The following TRMT2A variants were observed in gnomAD, a reference collection of about 807,000 sequenced individuals.
The protein encoded by TRMT2A is tRNA methyltransferase 2A.
In TRMT2A, 60 loss-of-function variants were observed where a neutral mutation model predicts 59.3. That is an observed-to-expected ratio of 1.01 (90% CI 0.82 to 1.26). The LOEUF is 1.26. Among genes scored for constraint, TRMT2A ranks in the 50% most tolerant of loss-of-function variants. TRMT2A has a pLI of 0.00. For synonymous variants in TRMT2A, 403 were observed against 353.7 expected (o/e 1.14, Z -1.56); for missense variants, 863 against 845.2 (o/e 1.02, Z -0.26).
Position 20,112,528 on chromosome 22 carries a change from C to T in TRMT2A, c.*35G>A. On this transcript the variant is annotated 3_prime_UTR_variant, in exon 12 of 12. Coordinates refer to ENST00000252136, the MANE Select transcript of TRMT2A (RefSeq NM_022727.6). ...TTCCCCGCCCCTGGGGCCCTGGGAG[C>T]CCTTCAGCTCCTGTCCCCATAATGG... is the stretch of plus-strand genomic sequence containing the variant. 1.3e-6 allele frequency: 2 copies of T among 1,593,356 alleles called. No homozygotes were observed. Among genetic ancestry groups the T allele is most frequent in the South Asian group, 1.1e-5 (1 of 89,708 alleles).
In TRMT2A at chr22:20,116,921, T is replaced by C; in HGVS notation, c.-15A>G. ...TTCTCACTCATCGCCCAGGCGGTTC[T>C]CCGCCTAGACCAGGGACGCCATGGG... On this transcript the variant is annotated 5_prime_UTR_variant, in exon 1 of 12. Coordinates refer to ENST00000252136, the MANE Select transcript of TRMT2A (RefSeq NM_022727.6). 6.3e-7 allele frequency: 1 copy of C among 1,592,028 alleles called. No homozygotes were observed.
Position 20,116,995 on chromosome 22 carries a change from T to C in TRMT2A, c.-89A>G. ...GGCCTGTCACAAGGGAAGTGGCCTG[T>C]CACAAGGGAAGTGCTCAGAGGGGAG... On this transcript the variant is annotated 5_prime_UTR_variant, in exon 1 of 12. Transcript: ENST00000252136. 1.3e-6 allele frequency: 2 copies of C among 1,487,428 alleles called. No individual in the cohort carries two copies. The highest frequency in any genetic ancestry group is 1.8e-6 in the Non-Finnish European group (2 of 1,093,346). The allele number at this position is 1,487,428 out of a possible 1,614,324, so 92.1% of individuals were successfully genotyped here. A position where few individuals can be genotyped will look rare whatever the true frequency, so the allele number is the denominator to read the frequency against.
chr22:20,116,538 A>C lies in TRMT2A; in HGVS notation c.99T>G (p.Pro33=), dbSNP rs1568975699. The change falls in exon 2 of 12, where the codon CCT becomes CCG. Residue 33 remains proline, a synonymous_variant. Transcript: ENST00000252136. ...ALSCPTVSVP[P]AAPAALEEVE... The stretch of plus-strand genomic sequence containing the variant: ...CCTCCTCCAGGGCTGCCGGGGCTGC[A>C]GGGGGCACCGAGACGGTAGGGCAGC... The C allele has an allele frequency of 6.2e-7, 1 of 1,601,720 alleles. No individual in the cohort carries two copies.
rs547249953 is a variant in TRMT2A at position 20,115,434 on chromosome 22, T to C, written c.722A>G (p.Asn241Ser). 13 of 1,609,588 alleles carry C rather than the reference T, an allele frequency of 8.1e-6. No individual in the cohort carries two copies. Among genetic ancestry groups the C allele is most frequent in the East Asian group, 2.2e-5 (1 of 44,808 alleles). ...RPSPQQTEYR[N>S]KCEFLVGVGV... The stretch of plus-strand genomic sequence containing the variant: ...GACGCCAACCAGAAACTCACACTTA[T>C]TACGATACTCAGTCTGCAGGGAGAG... Residue 241 changes from asparagine to serine, a missense_variant, in exon 4 of 12, where the codon AAT becomes AGT. Physicochemically the swap from Asn to Ser is conservative, Grantham distance 46. Transcript: ENST00000252136.
rs772356913 is a variant in TRMT2A at position 20,112,546 on chromosome 22, C to T, written c.*17G>A. 7 of 1,611,682 alleles carry T rather than the reference C, an allele frequency of 4.3e-6. No homozygotes were observed. The South Asian group carries it at 7.7e-5, about 18-fold the overall frequency. Reference sequence around the variant, plus strand: ...CTGGGAGCCCTTCAGCTCCTGTCCCCATAATGGGTCCTGGGCCTAGGATGA... The same window carrying T: ...CTGGGAGCCCTTCAGCTCCTGTCCCTATAATGGGTCCTGGGCCTAGGATGA... On this transcript the variant is annotated 3_prime_UTR_variant, in exon 12 of 12. Transcript: ENST00000252136.
intron 3 of TRMT2A, 79 bp from the exon 4 acceptor site, chr22:20,115,526 G>A: frequency 1.3e-6 from 2 of 1,569,468 alleles, no homozygotes; most frequent in Non-Finnish European, 1.7e-6. Context: ...CACAGGGGCT[G>A]GCAGTCAAAC....
chr22:20,113,485 A>T lies in TRMT2A; in HGVS notation c.1379T>A (p.Val460Asp). Residue 460 changes from valine to aspartate, a missense_variant, in exon 9 of 12, where the codon GTC (valine) becomes GAC (aspartate). Val to Asp is a radical substitution (Grantham distance 152). Transcript: ENST00000252136. The stretch of plus-strand genomic sequence containing the variant: ...CTCCACAGCCTCTGGGCATAGCTCG[A>T]CCCCAATGACCCTCTTTACCTTCTG... The part of the protein sequence containing the change: ...LARKVKRVIG[V>D]ELCPEAVEDA... The T allele has an allele frequency of 6.2e-7, 1 of 1,612,348 alleles. No individual in the cohort carries two copies. Among genetic ancestry groups the T allele is most frequent in the Non-Finnish European group, 8.5e-7 (1 of 1,179,688 alleles).
At chr22:20,115,865 A>G in intron 2 of TRMT2A, 85 bp from the exon 3 acceptor site, 3 of 1,439,604 alleles carry the variant, frequency 2.1e-6, no homozygotes, top group Non-Finnish European at 2.8e-6. Flanking sequence ...CAGGCTCCTG[A>G]CCCCTCCTTT....
Position 20,116,469 on chromosome 22 carries a change from C to T in TRMT2A, c.168G>A (p.Gln56=), listed in dbSNP as rs781458195. 5.6e-6 allele frequency: 9 copies of T among 1,612,774 alleles called. No individual in the cohort carries two copies. Among genetic ancestry groups the T allele is most frequent in the African/African-American group, 1.3e-5 (1 of 74,952 alleles). ...CCCTGATGTAGCTGTAGAGCCCGGG[C>T]TGAGGCCCCGGCCCTGTAGCCGCCC... ...GAGAATGPGP[Q]PGLYSYIRDD... is the part of the protein sequence containing the mutation. Residue 56 remains glutamine, a synonymous_variant, in exon 2 of 12, where the codon CAG becomes CAA. Coordinates refer to ENST00000252136, the MANE Select transcript of TRMT2A (RefSeq NM_022727.6).
chr22:20,115,040 T>C lies in TRMT2A; in HGVS notation c.930A>G (p.Thr310=). Residue 310 remains threonine (T), a synonymous_variant, in exon 5 of 12, where the codon ACA becomes ACG. Transcript: ENST00000252136. ...GCACAGTCAGCTGCTTCCAGTGGCC[T>C]GTGTACGTCTCTGGGTCGTATGCCG... The part of the protein sequence containing the change: ...PYSAYDPETY[T]GHWKQLTVRT... 1 of 1,597,482 alleles carries C rather than the reference T, an allele frequency of 6.3e-7. No homozygotes were observed. The highest frequency in any genetic ancestry group is 8.5e-7 in the Non-Finnish European group (1 of 1,175,298).
Position 20,116,374 on chromosome 22 carries a change from T to A in TRMT2A, c.263A>T (p.Asp88Val), listed in dbSNP as rs1194862967. Residue 88 changes from aspartate to valine, a missense_variant, in exon 2 of 12, where the codon GAC becomes GTC. By Grantham distance (152) the Asp-to-Val change is radical. Transcript: ENST00000252136. ...AAAGCGGCCCAGGAAGCGCCGGACGTCGCTGAAGCTGGCGTGGCGAGGCAC... is the reference window on the plus strand; with the variant it reads ...AAAGCGGCCCAGGAAGCGCCGGACGACGCTGAAGCTGGCGTGGCGAGGCAC... ...QNVPRHASFS[D>V]VRRFLGRFGL... 1 of 1,612,096 alleles carries A rather than the reference T, an allele frequency of 6.2e-7. No homozygotes were observed. The highest frequency in any genetic ancestry group is 1.3e-5 in the African/African-American group (1 of 74,932).
intron 1 of TRMT2A, 53 bp from the exon 2 acceptor site, chr22:20,116,665 G>A: frequency 1.3e-6 from 2 of 1,504,958 alleles, no homozygotes; most frequent in South Asian, 1.3e-5. Context: ...TGGGGGCCTG[G>A]CCCCCCAAGC....
intron 2 of TRMT2A, 48 bp downstream of exon 2, chr22:20,115,990 G>A (rs758586839): frequency 1.3e-6 from 2 of 1,518,408 alleles, no homozygotes; most frequent in East Asian, 2.3e-5. Context: ...AGGAAGCACA[G>A]GCCGGGCAGA....
Position 20,116,868 on chromosome 22 carries a change from C to T in TRMT2A, c.24+15G>A. ...CCCCATCCCCGTCTCTACCCAGCGT[C>T]TCCCCGCACTCTACCTCGTTGTCGA... On this transcript the variant is annotated intron_variant, in intron 1 of 11. Coordinates refer to ENST00000252136, the MANE Select transcript of TRMT2A (RefSeq NM_022727.6). 6.3e-7 allele frequency: 1 copy of T among 1,599,584 alleles called. No individual in the cohort carries two copies. Among genetic ancestry groups the T allele is most frequent in the Non-Finnish European group, 8.5e-7 (1 of 1,173,016 alleles).
intron 1 of TRMT2A, 130 bp downstream of exon 1, chr22:20,116,753 C>A: frequency 7.1e-7 from 1 of 1,413,664 alleles, no homozygotes; most frequent in East Asian, 2.5e-5. Context: ...CCCTCCCGAC[C>A]CCATTCCCGT....
At chr22:20,113,399 A>ACCCCC in intron 9 of TRMT2A, 33 bp downstream of exon 9, 14 of 713,620 alleles carry the variant, frequency 2.0e-5, no homozygotes, top group Non-Finnish European at 3.3e-5. Context: ...GGCTGCCCCC[A>ACCCCC]TCCCCACCCC....
rs1180908918 is a variant in TRMT2A at position 20,115,324 on chromosome 22, T to C, written c.832A>G (p.Thr278Ala). 8 of 1,612,646 alleles carry C rather than the reference T, an allele frequency of 5.0e-6. No individual in the cohort carries two copies. The highest frequency in any genetic ancestry group is 2.7e-5 in the African/African-American group (2 of 74,896). ...GTCAVAAPFD[T>A]VHIPEATKQV... is the part of the protein sequence containing the mutation. ...TTGGTGGCTTCGGGGATGTGCACGG[T>C]GTCAAACGGGGCTGCCACAGCACAC... The change falls in exon 4 of 12, where the codon ACC (threonine) becomes GCC (alanine). Residue 278 changes from threonine (T) to alanine (A), a missense_variant. Transcript: ENST00000252136.
chr22:20,113,071 C>T, intron 10 of TRMT2A, 47 bp downstream of exon 10: 5 of 1,611,410 alleles, frequency 3.1e-6, no homozygotes, highest in Non-Finnish European at 4.2e-6. Flanking sequence ...TGAGCCACCC[C>T]ATGTGTCCTC....
chr22:20,116,756 A>G, intron 1 of TRMT2A, 127 bp downstream of exon 1: 1 of 1,190,596 alleles, frequency 8.4e-7, no homozygotes, highest in Non-Finnish European at 1.1e-6. Context: ...TCCCGACCCC[A>G]TTCCCGTCTC....
Sources: allele counts gnomAD v4.1 joint callset, GRCh38; gene constraint gnomAD v4.1.1; transcripts MANE v1.5; gene names NCBI Gene and HGNC (gene_info 2026-07-23, HGNC 2026-07-21).